The following WDR27 variants were observed in gnomAD, a reference collection of about 807,000 sequenced individuals.
The protein encoded by WDR27 is WD repeat-containing protein 27.
Under a neutral mutation model 114.4 loss-of-function variants are expected in WDR27, and 100 were observed. That is an observed-to-expected ratio of 0.87 (90% CI 0.74 to 1.03). WDR27 has a LOEUF of 1.03. WDR27 is among the 50% of genes least tolerant of loss of function. The pLI, the probability that WDR27 is intolerant of heterozygous loss-of-function variation, is 0.00. For missense variants in WDR27, 1,129 were observed against 1,092.9 expected, an observed-to-expected ratio of 1.03 and a Z score of -0.47; for synonymous variants, 449 against 423.1, an observed-to-expected ratio of 1.06 and a Z score of -0.75.
intron 5 of WDR27, chr6:169,667,476 C>T (rs547687883): frequency 3.2e-5 from 25 of 786,182 alleles, no homozygotes; most frequent in East Asian, 1.3e-4. Context: ...ACTTGGTCAA[C>T]GCTGCCAAGA....
rs537763920 is a variant in WDR27 at position 169,474,988 on chromosome 6, C to A, written c.2646-17354G>T. 1.5e-4 allele frequency among the ~76,000 whole-genome samples: 23 copies of A among 152,270 alleles called. 1 individual carries two copies. The East Asian group carries it at 4.4e-3, about 29-fold the overall frequency. Reference sequence around the variant, plus strand: ...GTGTAGAGAAGAGCCCCCAGTGACTCTGAGGTCTAGCAAGAATCAAGGCAC... The same window carrying A: ...GTGTAGAGAAGAGCCCCCAGTGACTATGAGGTCTAGCAAGAATCAAGGCAC... On this transcript the variant is annotated intron_variant, in intron 25 of 25. Transcript: ENST00000448612.
intron 25 of WDR27, among the ~76,000 whole-genome samples, chr6:169,554,466 CTT>C (rs935795442): frequency 1.5e-4 from 23 of 152,296 alleles, no homozygotes; most frequent in African/African-American, 4.3e-4. Flanking sequence ...CTCCAGTACT[CTT>C]TATATAAATC....
chr6:169,484,501 A>G (rs1190526093), intron 25 of WDR27, among the ~76,000 whole-genome samples: 19 of 152,192 alleles, frequency 1.2e-4, no homozygotes, highest in Admixed American at 1.2e-3. Context: ...AATTACAACT[A>G]CTGCTAAAAG....
chr6:169,601,831 T>C (rs1808046674), intron 23 of WDR27, among the ~76,000 whole-genome samples: 1 of 152,232 alleles, frequency 6.6e-6, no homozygotes, highest in Non-Finnish European at 1.5e-5. Context: ...AGCACATTGT[T>C]TCCTAAGGAT....
At chr6:169,695,051 A>G (rs1785513790) in intron 1 of WDR27, among the ~76,000 whole-genome samples, 1 of 152,244 alleles carries the variant, frequency 6.6e-6, no homozygotes, top group Non-Finnish European at 1.5e-5. Context: ...CTTTTGCCCA[A>G]ACAGGATGTG....
chr6:169,694,002 T>C (rs1785166052), intron 1 of WDR27, among the ~76,000 whole-genome samples: 1 of 152,180 alleles, frequency 6.6e-6, no homozygotes, highest in Non-Finnish European at 1.5e-5. Context: ...TAACATGTAT[T>C]TGTGCCTTGT....
intron 25 of WDR27, among the ~76,000 whole-genome samples, chr6:169,538,973 T>A (rs1045186526): frequency 6.6e-6 from 1 of 152,200 alleles, no homozygotes; most frequent in Non-Finnish European, 1.5e-5. Flanking sequence ...TAGCTCAGCA[T>A]AAGAAAGATT....
At chr6:169,506,080 C>G (rs547170037) in intron 25 of WDR27, among the ~76,000 whole-genome samples, 20 of 152,304 alleles carry the variant, frequency 1.3e-4, no homozygotes, top group African/African-American at 4.8e-4. Flanking sequence ...CCTTTGTTTT[C>G]AATGGAATTG....
chr6:169,592,548 C>A (rs191116621), intron 23 of WDR27, among the ~76,000 whole-genome samples: 1 of 152,136 alleles, frequency 6.6e-6, no homozygotes, highest in African/African-American at 2.4e-5. Flanking sequence ...AATACTACTA[C>A]TAATCTTTCA....
intron 8 of WDR27, 148 bp from the exon 9 acceptor site, chr6:169,662,572 A>G: frequency 9.9e-7 from 1 of 1,006,160 alleles, no homozygotes; most frequent in South Asian, 1.7e-5. Flanking sequence ...CTAAGGTAAC[A>G]CCCAGCATGA....
chr6:169,592,118 T>C (rs1290202254), intron 23 of WDR27, among the ~76,000 whole-genome samples: 2 of 152,172 alleles, frequency 1.3e-5, no homozygotes, highest in Non-Finnish European at 2.9e-5. Context: ...GGTTAACGGC[T>C]GACAGGGCAA....
chr6:169,457,643 G>A lies in WDR27; in HGVS notation c.2646-9C>T. 1 of 1,549,766 alleles carries A rather than the reference G, an allele frequency of 6.5e-7. No homozygotes were observed. Among genetic ancestry groups the A allele is most frequent in the Non-Finnish European group, 8.7e-7 (1 of 1,145,622 alleles). ...AAGGTAGCTGTGGCAAGCTGTAATT[G>A]AAAATAAAATACCATGTAATTCCAA... On this transcript the variant is annotated splice_polypyrimidine_tract_variant and intron_variant, in intron 25 of 25. Transcript: ENST00000448612.
At chr6:169,487,083 G>A (rs1032210688) in intron 25 of WDR27, among the ~76,000 whole-genome samples, 2 of 152,146 alleles carry the variant, frequency 1.3e-5, no homozygotes, top group African/African-American at 4.8e-5. Context: ...CCATTCACCA[G>A]CCATGTCATC....
intron 14 of WDR27, among the ~76,000 whole-genome samples, chr6:169,650,576 T>G (rs1822127407): frequency 7.1e-6 from 1 of 141,618 alleles, no homozygotes; most frequent in South Asian, 2.5e-4. Context: ...CACCCATTCA[T>G]CCATTGCTCA....
At chr6:169,573,378 A>G (rs1326499713) in intron 24 of WDR27, among the ~76,000 whole-genome samples, 1 of 152,232 alleles carries the variant, frequency 6.6e-6, no homozygotes, top group African/African-American at 2.4e-5. Flanking sequence ...CTTTTATTTC[A>G]TTACAGTTGA....
chr6:169,458,072 G>A (rs1212343648), intron 25 of WDR27, among the ~76,000 whole-genome samples: 3 of 151,818 alleles, frequency 2.0e-5, no homozygotes, highest in East Asian at 1.9e-4. Context: ...TCTGATGTAC[G>A]TACTTCCAGT....
Position 169,659,358 on chromosome 6 carries a change from G to A in WDR27, c.1197+93C>T, listed in dbSNP as rs569900005. On this transcript the variant is annotated intron_variant, in intron 11 of 25. Transcript: ENST00000448612. The surrounding 1 kb of genome is among the most constrained non-coding windows in gnomAD (Gnocchi z 4.3). ...AAAACGTTTTTACACACAAAATCCC[G>A]TTTACTCAGCCAGTCGTTACAGGAT... The A allele has an allele frequency of 2.8e-4, 441 of 1,580,510 alleles. 1 individual carries two copies. The highest frequency in any genetic ancestry group is 2.4e-3 in the Admixed American group (135 of 57,332).
downstream of WDR27, among the ~76,000 whole-genome samples, chr6:169,452,466 C>A (rs1208311956): frequency 1.3e-5 from 2 of 152,208 alleles, no homozygotes; most frequent in East Asian, 1.9e-4. Context: ...GCAGTGAGAG[C>A]AGCCGAGGCG....
At position 169,611,478 on chromosome 6, in the gene WDR27, G is replaced by A. The variant is rs183863287; in HGVS notation, c.2321+2081C>T. 2.9e-3 allele frequency among the ~76,000 whole-genome samples: 442 copies of A among 151,808 alleles called. 3 individuals are homozygous for A. Among genetic ancestry groups the A allele is most frequent in the African/African-American group, 0.01 (421 of 41,402 alleles). ...CCACCACCACACCTGGATAATTATCGTATTTTTAGTAGAGATGCGGTTTCA... is the reference window on the plus strand; with the variant it reads ...CCACCACCACACCTGGATAATTATCATATTTTTAGTAGAGATGCGGTTTCA... On this transcript the variant is annotated intron_variant, in intron 22 of 25. Coordinates refer to ENST00000448612, the MANE Select transcript of WDR27 (RefSeq NM_182552.5).
Sources: gnomAD v4.1 joint callset for allele counts (sites outside exome capture counted in the v4.1 genomes callset) on GRCh38, gnomAD v4.1.1 for gene constraint, Gnocchi (gnomAD v3.1) non-coding constraint, MANE v1.5 for transcripts, NCBI Gene and HGNC (gene_info 2026-07-23, HGNC 2026-07-21) for gene names.